The following UGT1A6 variants were observed in gnomAD, a reference collection of about 807,000 sequenced individuals.
The protein encoded by UGT1A6 is UDP-glucuronosyltransferase 1A6.
A neutral mutation model predicts 44.4 loss-of-function variants in UGT1A6; 32 were observed. That is an observed-to-expected ratio of 0.72 (90% CI 0.54 to 0.97). UGT1A6 has a LOEUF of 0.97. Among genes scored for constraint, UGT1A6 ranks in the 50% least tolerant of loss-of-function variants. The probability of loss-of-function intolerance (pLI) is 0.00; values close to 1 mark genes in which losing one functional copy is unlikely to be tolerated. For missense variants in UGT1A6, 685 were observed against 661.9 expected, an observed-to-expected ratio of 1.03 and a Z score of -0.38; for synonymous variants, 238 against 248.5, an observed-to-expected ratio of 0.96 and a Z score of 0.40.
At chr2:233,718,693 G>A in intron 1 of UGT1A6, 3 of 1,590,692 alleles carry the variant, frequency 1.9e-6, no homozygotes. Context: ...ACTGGAGGAG[G>A]GCACTTTGTC....
intron 1 of UGT1A6, among the ~76,000 whole-genome samples, chr2:233,704,779 T>C (rs1239416557): frequency 1.3e-5 from 2 of 152,188 alleles, no homozygotes; most frequent in African/African-American, 4.8e-5. Context: ...CCATATGTTA[T>C]AGTCCCAACA....
intron 1 of UGT1A6, among the ~76,000 whole-genome samples, chr2:233,702,794 A>G (rs1318295420): frequency 6.6e-6 from 1 of 152,214 alleles, no homozygotes; most frequent in Non-Finnish European, 1.5e-5. Flanking sequence ...CGAACCTTGT[A>G]TTCCTAGAAT....
At chr2:233,718,407 A>G (rs1424568880) in intron 1 of UGT1A6, among the ~76,000 whole-genome samples, 1 of 152,254 alleles carries the variant, frequency 6.6e-6, no homozygotes, top group African/African-American at 2.4e-5. Flanking sequence ...ATAGCGTCAC[A>G]TTCAGCAGAG....
chr2:233,743,833 G>A (rs2125856525), intron 1 of UGT1A6: 1 of 1,367,262 alleles, frequency 7.3e-7, no homozygotes, highest in African/African-American at 1.5e-5. Context: ...GGTGCCACTT[G>A]AGCGCCAGCT....
upstream of UGT1A6, chr2:233,692,720 C>T (rs781721016): frequency 3.3e-5 from 27 of 821,782 alleles, no homozygotes; most frequent in Admixed American, 3.3e-4. Flanking sequence ...CAAAGTGTTG[C>T]TATAACTTTT....
intron 1 of UGT1A6, chr2:233,747,860 C>T (rs1402748758): frequency 6.2e-6 from 10 of 1,613,422 alleles, no homozygotes; most frequent in Non-Finnish European, 5.9e-6. Context: ...ACATGCTCTA[C>T]CCTCTGGCCC....
chr2:233,713,388 C>CA (rs1287964776), intron 1 of UGT1A6: 1 of 1,614,146 alleles, frequency 6.2e-7, no homozygotes, highest in Admixed American at 1.7e-5. Context: ...GGAGCTACTG[C>CA]ATAATGAGGC....
chr2:233,748,052 C>G, intron 1 of UGT1A6: 1 of 1,613,446 alleles, frequency 6.2e-7, no homozygotes, highest in Non-Finnish European at 8.5e-7. Context: ...GGGGCATCAA[C>G]TGTGCCAACA....
intron 1 of UGT1A6, among the ~76,000 whole-genome samples, chr2:233,728,172 A>G (rs1397087886): frequency 6.6e-6 from 1 of 152,220 alleles, no homozygotes; most frequent in Admixed American, 6.5e-5. Context: ...TGGAGGAACC[A>G]TTCTTATCAG....
chr2:233,757,535 AATATATATAT>A (rs67292694), intron 1 of UGT1A6, among the ~76,000 whole-genome samples: 5,616 of 88,332 alleles, frequency 0.064, 477 homozygotes, highest in Non-Finnish European at 0.086. Context: ...GCCTGTAAGG[AATATATATAT>A]ATATATATAT....
rs45449797 is a variant in UGT1A6 at position 233,730,263 on chromosome 2, G to T, written c.861+36398G>T. On this transcript the variant is annotated intron_variant, in intron 1 of 4. Coordinates refer to ENST00000305139, the MANE Select transcript of UGT1A6 (RefSeq NM_001072.4). ...ACTGGTGTGACTCATAGAGACTGTTGGTTTGTAAAGGCACCATCTTCATGG... is the reference window on the plus strand; with the variant it reads ...ACTGGTGTGACTCATAGAGACTGTTTGTTTGTAAAGGCACCATCTTCATGG... Among the ~76,000 whole-genome samples, 819 of 152,182 alleles carry T rather than the reference G, an allele frequency of 5.4e-3. 8 individuals carry two copies. The highest frequency in any genetic ancestry group is 0.019 in the African/African-American group (780 of 41,512).
chr2:233,745,241 G>C (rs1693049313), intron 1 of UGT1A6, among the ~76,000 whole-genome samples: 1 of 151,840 alleles, frequency 6.6e-6, no homozygotes. Context: ...ACTATTTACT[G>C]TATCGAAACC....
chr2:233,761,009 A>T, intron 1 of UGT1A6: 2 of 1,614,002 alleles, frequency 1.2e-6, no homozygotes, highest in Non-Finnish European at 1.7e-6. Flanking sequence ...CTTCAGAGAG[A>T]GGTGACTGTC....
intron 1 of UGT1A6, among the ~76,000 whole-genome samples, chr2:233,766,324 C>T (rs1363274147): frequency 2.0e-5 from 3 of 152,132 alleles, no homozygotes; most frequent in East Asian, 1.9e-4. Context: ...AGCCAAACTC[C>T]GCGTTGTTCT....
At chr2:233,747,791 T>A in intron 1 of UGT1A6, 1 of 1,613,564 alleles carries the variant, frequency 6.2e-7, no homozygotes, top group Middle Eastern at 1.7e-4. Context: ...CTTCCTCCTA[T>A]ATTCCTAAGT....
chr2:233,702,766 T>C (rs898157603), intron 1 of UGT1A6, among the ~76,000 whole-genome samples: 6 of 152,248 alleles, frequency 3.9e-5, no homozygotes, highest in East Asian at 1.9e-4. Context: ...TATGTGTTAA[T>C]TGATTTGCAG....
intron 1 of UGT1A6, among the ~76,000 whole-genome samples, chr2:233,717,127 G>T (rs182084738): frequency 7.2e-5 from 11 of 152,266 alleles, no homozygotes; most frequent in Non-Finnish European, 1.6e-4. Context: ...CATGGAAATA[G>T]AACACCACTA....
At chr2:233,699,748 C>T (rs1437214781) in intron 1 of UGT1A6, among the ~76,000 whole-genome samples, 1 of 152,182 alleles carries the variant, frequency 6.6e-6, no homozygotes, top group African/African-American at 2.4e-5. Context: ...GAAAACTAGA[C>T]CCCAGTTCCT....
intron 2 of UGT1A6, 66 bp from the exon 3 acceptor site, chr2:233,767,783 T>C: frequency 6.2e-7 from 1 of 1,613,658 alleles, no homozygotes. Context: ...CTAGTTAGTA[T>C]AGCAGATTTG....
Sources: gnomAD v4.1 joint callset for allele counts (sites outside exome capture counted in the v4.1 genomes callset) on GRCh38, gnomAD v4.1.1 for gene constraint, MANE v1.5 for transcripts, NCBI Gene and HGNC (gene_info 2026-07-23, HGNC 2026-07-21) for gene names.